The following SPRY3 variants were observed in gnomAD, a reference collection of about 807,000 sequenced individuals.
The protein encoded by SPRY3 is sprouty RTK signaling antagonist 3.
Under a neutral mutation model 20.2 loss-of-function variants are expected in SPRY3, and 15 were observed. The observed-to-expected ratio is 0.74, with a 90% confidence interval of 0.50 to 1.14. The LOEUF (loss-of-function observed/expected upper bound fraction) is 1.14, where lower values mean the gene tolerates loss of function less well. Ranked by LOEUF, SPRY3 falls within the 50% of genes most tolerant of loss-of-function variation. SPRY3 has a pLI of 0.00. For missense variants in SPRY3, 364 were observed against 363.9 expected (o/e 1.00, Z 0.00); for synonymous variants, 143 against 136.5 (o/e 1.05, Z -0.33).
At chrX:155,713,487 G>T (rs984738384) in intron 2 of SPRY3, among the ~76,000 whole-genome samples, 2 of 151,888 alleles carry the variant, frequency 1.3e-5, no homozygotes, top group Non-Finnish European at 2.9e-5. Flanking sequence ...ACTATTCTAG[G>T]GTAAAAGGTT....
At chrX:155,782,071 A>T (rs1188081688) in exon 2 of SPRY3, 3 of 167,038 alleles carry the variant, frequency 1.8e-5, no homozygotes, top group Admixed American at 1.3e-4. Flanking sequence ...GAACTCGTAG[A>T]TCTCATTCCC....
At chrX:155,721,720 G>A (rs756451386) in intron 2 of SPRY3, among the ~76,000 whole-genome samples, 2 of 151,740 alleles carry the variant, frequency 1.3e-5, no homozygotes, top group South Asian at 2.1e-4. Flanking sequence ...ATTATCCTTC[G>A]AACATGAAGG....
intron 1 of SPRY3, among the ~76,000 whole-genome samples, chrX:155,632,219 C>CCACACACATA (rs2067908408): frequency 1.0e-5 from 1 of 98,645 alleles, no homozygotes; most frequent in Non-Finnish European, 2.0e-5. Context: ...TCCACAGCCA[C>CCACACACATA]CACACACACA....
downstream of SPRY3, chrX:155,777,395 GT>G (rs1302691612): frequency 6.0e-6 from 1 of 166,780 alleles, no homozygotes; most frequent in African/African-American, 2.4e-5. Flanking sequence ...GGGGCCCTGG[GT>G]TCTGCCATAT....
intron 2 of SPRY3, among the ~76,000 whole-genome samples, chrX:155,710,688 C>A (rs1019628229): frequency 1.3e-5 from 2 of 151,736 alleles, no homozygotes; most frequent in African/African-American, 4.8e-5. Context: ...GCTAGGACTT[C>A]CAATACTATG....
rs190998444 is a variant in SPRY3 at position 155,729,125 on chromosome X, C to T, written c.-281-38837C>T. Among the ~76,000 whole-genome samples the T allele has an allele frequency of 2.2e-3, 335 of 152,226 alleles. 2 individuals are homozygous for T. Among genetic ancestry groups the T allele is most frequent in the Non-Finnish European group, 3.3e-3 (224 of 68,006 alleles). ...CAAATACAATAATAGCTGGAGACTT[C>T]AACAGCCCACTTTTAGCATTGGACA... On this transcript the variant is annotated intron_variant, in intron 2 of 3. Coordinates refer to ENST00000675360, the Ensembl canonical transcript of SPRY3.
intron 2 of SPRY3, among the ~76,000 whole-genome samples, chrX:155,761,319 G>A (rs1393834528): frequency 6.6e-6 from 1 of 151,912 alleles, no homozygotes; most frequent in Non-Finnish European, 1.5e-5. Flanking sequence ...TCCTTCTCTT[G>A]TTTCTTCACT....
At chrX:155,763,947 T>C (rs1326403647) in intron 2 of SPRY3, among the ~76,000 whole-genome samples, 1 of 152,210 alleles carries the variant, frequency 6.6e-6, no homozygotes, top group Non-Finnish European at 1.5e-5. Context: ...GTGTATTTTA[T>C]TCATTACAAA....
chrX:155,627,102 AAT>A (rs1218024721), intron 1 of SPRY3, among the ~76,000 whole-genome samples: 2 of 111,192 alleles, frequency 1.8e-5, no homozygotes, highest in Non-Finnish European at 3.8e-5. Context: ...TGCAACATCC[AAT>A]CTCTTAGCTA....
intron 2 of SPRY3, among the ~76,000 whole-genome samples, chrX:155,743,506 A>G (rs1569393472): frequency 6.6e-6 from 1 of 152,256 alleles, no homozygotes; most frequent in East Asian, 1.9e-4. Context: ...CAGTTTCTTT[A>G]TGTTTGAAAT....
chrX:155,753,624 C>G (rs2091272688), intron 2 of SPRY3, among the ~76,000 whole-genome samples: 1 of 151,844 alleles, frequency 6.6e-6, no homozygotes, highest in Admixed American at 6.6e-5. Flanking sequence ...ATGATAACTT[C>G]ATGTTTAACA....
intron 2 of SPRY3, among the ~76,000 whole-genome samples, chrX:155,723,627 GTTGT>G (rs2091077583): frequency 1.3e-5 from 2 of 152,000 alleles, no homozygotes; most frequent in South Asian, 4.2e-4. Context: ...TTTTGATGTT[GTTGT>G]TTGTTTTTTT....
intron 2 of SPRY3, chrX:155,767,754 G>C (rs889294844): frequency 2.0e-5 from 3 of 146,714 alleles, no homozygotes; most frequent in African/African-American, 7.7e-5. Flanking sequence ...AGGAGGAGGA[G>C]AGAGAGGAGG....
At chrX:155,692,113 TGATGGTTACCA>T (rs1470794599) in intron 2 of SPRY3, among the ~76,000 whole-genome samples, 20 of 110,261 alleles carry the variant, frequency 1.8e-4, no homozygotes, top group African/African-American at 6.6e-4. Flanking sequence ...GAGAGTAGAA[TGATGGTTACCA>T]GAGACTGGTA....
chrX:155,757,434 C>A (rs1234865234), intron 2 of SPRY3, among the ~76,000 whole-genome samples: 1 of 152,134 alleles, frequency 6.6e-6, no homozygotes, highest in Admixed American at 6.6e-5. Flanking sequence ...AATAGCAATT[C>A]TCCTCACCCT....
chrX:155,712,567 T>A (rs1268115190), intron 2 of SPRY3, among the ~76,000 whole-genome samples: 1 of 152,036 alleles, frequency 6.6e-6, no homozygotes, highest in African/African-American at 2.4e-5. Context: ...TCAGTCTATA[T>A]GTATCTTTAT....
chrX:155,715,736 A>G (rs2124547019), intron 2 of SPRY3, among the ~76,000 whole-genome samples: 1 of 152,254 alleles, frequency 6.6e-6, no homozygotes, highest in South Asian at 2.1e-4. Context: ...CCCAAGTTCC[A>G]ATTGCTGGGA....
intron 2 of SPRY3, among the ~76,000 whole-genome samples, chrX:155,715,091 C>T (rs774294676): frequency 1.2e-4 from 18 of 152,248 alleles, no homozygotes; most frequent in African/African-American, 4.3e-4. Flanking sequence ...GAGCTAGTAC[C>T]TGGGGTGCAA....
intron 2 of SPRY3, among the ~76,000 whole-genome samples, chrX:155,730,114 A>G (rs1430213520): frequency 6.6e-6 from 1 of 152,110 alleles, no homozygotes; most frequent in Admixed American, 6.6e-5. Flanking sequence ...AAAAACATTT[A>G]AAGAACTAAT....
Sources: gnomAD v4.1 joint callset for allele counts (sites outside exome capture counted in the v4.1 genomes callset) on GRCh38, gnomAD v4.1.1 for gene constraint, MANE v1.5 for transcripts, NCBI Gene and HGNC (gene_info 2026-07-23, HGNC 2026-07-21) for gene names.